Variants in MAGI1 observed in about 807,000 individuals in gnomAD.
The protein encoded by MAGI1 is membrane-associated guanylate kinase, WW and PDZ domain-containing protein 1.
MAGI1 carries 58 observed loss-of-function variants against 139.9 expected under a neutral mutation model. That is an observed-to-expected ratio of 0.41 (90% CI 0.34 to 0.52). MAGI1 has a LOEUF of 0.52. MAGI1 is among the 20% of genes least tolerant of loss of function. The probability of loss-of-function intolerance (pLI) is 0.12; values close to 1 mark genes in which losing one functional copy is unlikely to be tolerated. For missense variants in MAGI1, 1,874 were observed against 1,901.6 expected (o/e 0.99, Z 0.27); for synonymous variants, 812 against 737.9 (o/e 1.10, Z -1.63).
chr3:65,922,121 T>C (rs1427514504), intron 1 of MAGI1, among the ~76,000 whole-genome samples: 3 of 152,180 alleles, frequency 2.0e-5, no homozygotes, highest in Admixed American at 2.0e-4. Flanking sequence ...ACAGGTACTA[T>C]TATTAGTTCC....
At chr3:65,702,683 C>G (rs115399139) in intron 1 of MAGI1, among the ~76,000 whole-genome samples, 1,630 of 152,110 alleles carry the variant, frequency 0.011, 26 homozygotes, top group African/African-American at 0.037. Flanking sequence ...AGAAGATAAC[C>G]CAATTATTTT....
intron 1 of MAGI1, among the ~76,000 whole-genome samples, chr3:65,762,373 T>G (rs1450513757): frequency 6.6e-6 from 1 of 152,082 alleles, no homozygotes; most frequent in Non-Finnish European, 1.5e-5. Context: ...AGGCATTAAT[T>G]CATTCTCCGA....
rs1463286803 is a variant in MAGI1, at chr3:65,354,858, G to A, written c.*1520C>T. ...TCTATTAATTACAATTTTTAGCTCTGTACACGCAATGATTGGCTGGTTTTC... is the reference window on the plus strand; with the variant it reads ...TCTATTAATTACAATTTTTAGCTCTATACACGCAATGATTGGCTGGTTTTC... On this transcript the variant is annotated 3_prime_UTR_variant, in exon 23 of 23. Transcript: ENST00000402939. 1.4e-5 allele frequency: 2 copies of A among 148,070 alleles called. No individual in the cohort carries two copies. The allele number at this position is 148,070 out of a possible 1,614,324, so 9.2% of individuals were successfully genotyped here. A position where few individuals can be genotyped will look rare whatever the true frequency, so the allele number is the denominator to read the frequency against.
At chr3:65,500,058 C>G (rs1206715182) in intron 2 of MAGI1, among the ~76,000 whole-genome samples, 1 of 152,176 alleles carries the variant, frequency 6.6e-6, no homozygotes, top group African/African-American at 2.4e-5. Flanking sequence ...GACTTATAGA[C>G]TCCAGCTGAA....
intron 1 of MAGI1, among the ~76,000 whole-genome samples, chr3:65,858,954 A>G (rs1293478686): frequency 6.6e-6 from 1 of 152,190 alleles, no homozygotes; most frequent in Non-Finnish European, 1.5e-5. Context: ...GTCAAACTTA[A>G]AGAGCAAGAA....
chr3:65,715,282 T>C (rs1001082218), intron 1 of MAGI1, among the ~76,000 whole-genome samples: 1 of 152,228 alleles, frequency 6.6e-6, no homozygotes, highest in Non-Finnish European at 1.5e-5. Context: ...ACAACAATTA[T>C]AGTTTTTGCA....
chr3:65,708,525 G>C (rs1236276590), intron 1 of MAGI1, among the ~76,000 whole-genome samples: 1 of 152,108 alleles, frequency 6.6e-6, no homozygotes, highest in Non-Finnish European at 1.5e-5. Flanking sequence ...ACTTGAATTT[G>C]GGGAGAAAGT....
chr3:65,461,181 T>C (rs1949756171), intron 5 of MAGI1, among the ~76,000 whole-genome samples: 1 of 151,938 alleles, frequency 6.6e-6, no homozygotes, highest in South Asian at 2.1e-4. Flanking sequence ...TAAAAGCATC[T>C]CTCTGGCATC....
At chr3:65,863,295 A>T (rs2059614727) in intron 1 of MAGI1, among the ~76,000 whole-genome samples, 1 of 152,226 alleles carries the variant, frequency 6.6e-6, no homozygotes, top group African/African-American at 2.4e-5. Context: ...ACTATTACTT[A>T]TGATATATAG....
intron 1 of MAGI1, among the ~76,000 whole-genome samples, chr3:65,905,207 T>A (rs574807782): frequency 6.6e-6 from 1 of 152,326 alleles, no homozygotes; most frequent in East Asian, 1.9e-4. Context: ...GAGCACTGCT[T>A]CTCAAACTAG....
At chr3:65,920,081 T>A (rs184470931) in intron 1 of MAGI1, among the ~76,000 whole-genome samples, 5 of 152,302 alleles carry the variant, frequency 3.3e-5, no homozygotes, top group African/African-American at 1.2e-4. Flanking sequence ...AAACCACATT[T>A]CTTGGCAGCC....
At chr3:65,474,946 G>T (rs193191059) in intron 4 of MAGI1, among the ~76,000 whole-genome samples, 5 of 152,204 alleles carry the variant, frequency 3.3e-5, no homozygotes, top group African/African-American at 7.2e-5. Flanking sequence ...TATGCATAAA[G>T]AACTCAGCAA....
chr3:65,849,507 A>G lies in MAGI1; in HGVS notation c.313+188489T>C, dbSNP rs552921083. Among the ~76,000 whole-genome samples, 59 of 148,910 alleles carry G rather than the reference A, an allele frequency of 4.0e-4. 1 individual carries two copies. Among genetic ancestry groups the G allele is most frequent in the African/African-American group, 1.2e-3 (48 of 40,978 alleles). On this transcript the variant is annotated intron_variant, in intron 1 of 22. Coordinates refer to ENST00000402939, the MANE Select transcript of MAGI1 (RefSeq NM_001033057.2). ...TATATCATCAAATATACATATATAT[A>G]TATCATCAAATATACATATATATCA...
Position 65,692,068 on chromosome 3 carries a change from A to C in MAGI1, c.314-69980T>G, listed in dbSNP as rs1030163439. ...AATTACATGACTCTAACACTACTTG[A>C]GCTAAATCAAGTAGACAAGTATAGG... On this transcript the variant is annotated intron_variant, in intron 1 of 22. Coordinates refer to ENST00000402939, the MANE Select transcript of MAGI1 (RefSeq NM_001033057.2). Among the ~76,000 whole-genome samples, 5 of 152,304 alleles carry C rather than the reference A, an allele frequency of 3.3e-5. No individual in the cohort carries two copies. The East Asian group carries it at 9.7e-4, about 29-fold the overall frequency.
chr3:65,475,093 A>C (rs1371258194), intron 4 of MAGI1, among the ~76,000 whole-genome samples: 1 of 152,084 alleles, frequency 6.6e-6, no homozygotes, highest in East Asian at 1.9e-4. Context: ...TAAGAATATC[A>C]GGGATTATTG....
At chr3:66,012,163 T>C (rs879729318) in intron 1 of MAGI1, among the ~76,000 whole-genome samples, 2 of 152,148 alleles carry the variant, frequency 1.3e-5, no homozygotes, top group Non-Finnish European at 2.9e-5. Context: ...CTATGCTCAG[T>C]TAACCCAAAA....
intron 1 of MAGI1, among the ~76,000 whole-genome samples, chr3:65,929,040 C>G (rs1004458142): frequency 1.3e-5 from 2 of 151,750 alleles, no homozygotes; most frequent in Admixed American, 1.3e-4. Context: ...TATAATCCAC[C>G]AGTTTGGGAA....
chr3:65,966,281 C>T lies in MAGI1; in HGVS notation c.313+71715G>A, dbSNP rs534566570. ...GCAAAAGCCCTCTGAATTGGAAATACTAATGGAAGGGACAGTATTTTACCA... is the reference window on the plus strand; with the variant it reads ...GCAAAAGCCCTCTGAATTGGAAATATTAATGGAAGGGACAGTATTTTACCA... On this transcript the variant is annotated intron_variant, in intron 1 of 22. Coordinates refer to ENST00000402939, the MANE Select transcript of MAGI1 (RefSeq NM_001033057.2). 3.9e-5 allele frequency among the ~76,000 whole-genome samples: 6 copies of T among 152,222 alleles called. No homozygotes were observed. The South Asian group carries it at 1.0e-3, about 26-fold the overall frequency.
chr3:65,442,081 C>CT (rs5849668), intron 8 of MAGI1, among the ~76,000 whole-genome samples: 135,069 of 144,714 alleles, frequency 0.93, 63,067 homozygotes, highest in East Asian at 0.98. Flanking sequence ...TAATACAAAG[C>CT]TTTTTTTTTT....
Sources: allele counts gnomAD v4.1 joint callset (sites outside exome capture counted in the v4.1 genomes callset), GRCh38; gene constraint gnomAD v4.1.1; transcripts MANE v1.5; gene names NCBI Gene and HGNC (gene_info 2026-07-23, HGNC 2026-07-21).